Variants in FIG4 observed in about 807,000 individuals in gnomAD.
The protein encoded by FIG4 is FIG4 phosphoinositide 5-phosphatase.
In FIG4, 112 loss-of-function variants were observed where a neutral mutation model predicts 118.6. That is an observed-to-expected ratio of 0.94 (90% CI 0.81 to 1.11). The LOEUF (loss-of-function observed/expected upper bound fraction) is 1.11, where lower values mean the gene tolerates loss of function less well. Among genes scored for constraint, FIG4 ranks in the 50% least tolerant of loss-of-function variants. FIG4 has a pLI of 0.00. For synonymous variants in FIG4, 369 were observed against 381.2 expected, an observed-to-expected ratio of 0.97 and a Z score of 0.37; for missense variants, 969 against 1,111.7, an observed-to-expected ratio of 0.87 and a Z score of 1.83.
chr6:109,760,030 C>A (rs1262139403), intron 10 of FIG4, among the ~76,000 whole-genome samples: 1 of 152,152 alleles, frequency 6.6e-6, no homozygotes, highest in African/African-American at 2.4e-5. Context: ...GAAACCTGAT[C>A]TCCTAGAATC....
intron 10 of FIG4, among the ~76,000 whole-genome samples, chr6:109,753,721 C>G (rs1308599445): frequency 2.0e-5 from 3 of 151,980 alleles, no homozygotes; most frequent in Admixed American, 2.0e-4. Context: ...AATGGGAGTT[C>G]ACTCATGATT....
At chr6:109,711,574 ACT>A (rs1292978528) in intron 1 of FIG4, among the ~76,000 whole-genome samples, 1 of 152,014 alleles carries the variant, frequency 6.6e-6, no homozygotes, top group Non-Finnish European at 1.5e-5. Context: ...TTTGTCAGAA[ACT>A]AGAATTGCAA....
chr6:109,767,378 G>A (rs1389439841), intron 15 of FIG4, among the ~76,000 whole-genome samples: 1 of 152,162 alleles, frequency 6.6e-6, no homozygotes, highest in African/African-American at 2.4e-5. Flanking sequence ...ATGTAACAGG[G>A]TGTTGAAATG....
intron 7 of FIG4, among the ~76,000 whole-genome samples, chr6:109,739,252 A>G (rs1292607008): frequency 1.3e-5 from 2 of 152,052 alleles, no homozygotes; most frequent in Non-Finnish European, 2.9e-5. Context: ...AAAAACTTTT[A>G]TTTCCTTCAG....
rs537896645 is a variant in FIG4 at position 109,814,676 on chromosome 6, T to C, written c.2547-10412T>C. ...ACATTATTTGTTGTGAAGCTCAGAG[T>C]GTTCCAAATTTCACCAGAGTCTCCT... On this transcript the variant is annotated intron_variant, in intron 22 of 22. Transcript: ENST00000230124. Among the ~76,000 whole-genome samples, 95 of 152,238 alleles carry C rather than the reference T, an allele frequency of 6.2e-4. 1 individual carries two copies. Among genetic ancestry groups the C allele is most frequent in the African/African-American group, 2.2e-3 (93 of 41,538 alleles).
intron 10 of FIG4, among the ~76,000 whole-genome samples, chr6:109,754,018 A>G (rs1174678501): frequency 6.6e-6 from 1 of 152,166 alleles, no homozygotes; most frequent in Non-Finnish European, 1.5e-5. Flanking sequence ...GTCTTGTGCC[A>G]GTTTTCAAAG....
chr6:109,715,219 T>C (rs908889609), intron 2 of FIG4, 43 bp downstream of exon 2: 2 of 979,302 alleles, frequency 2.0e-6, no homozygotes, highest in South Asian at 1.3e-5. Context: ...CTTTCATACC[T>C]GTTGTTTAAA....
Position 109,760,291 on chromosome 6 carries a change from A to G in FIG4, c.1179A>G (p.Glu393=). 6.2e-7 allele frequency: 1 copy of G among 1,613,750 alleles called. No individual in the cohort carries two copies. The highest frequency in any genetic ancestry group is 1.6e-4 in the Middle Eastern group (1 of 6,062). The part of the protein sequence containing the change: ...KRKHERILSE[E]LVAAVTYLNQ... ...AGCATGAAAGAATTCTGAGTGAAGA[A>G]CTTGTTGCTGCTGTGACCTATCTCA... Residue 393 remains glutamate, a synonymous_variant, in exon 11 of 23, where the codon GAA becomes GAG. Coordinates refer to ENST00000230124, the MANE Select transcript of FIG4 (RefSeq NM_014845.6).
intron 21 of FIG4, among the ~76,000 whole-genome samples, chr6:109,796,326 T>C (rs1236442093): frequency 2.0e-5 from 3 of 152,190 alleles, no homozygotes; most frequent in Non-Finnish European, 4.4e-5. Flanking sequence ...CCCAGCCTGA[T>C]CCTGCCCTTT....
rs553476516 is a variant in FIG4, at chr6:109,745,507, T to G, written c.1137+1735T>G. Among the ~76,000 whole-genome samples, 7 of 152,280 alleles carry G rather than the reference T, an allele frequency of 4.6e-5. No homozygotes were observed. In the South Asian group the frequency reaches 1.5e-3, roughly 32 times the overall value. On this transcript the variant is annotated intron_variant, in intron 10 of 22. Transcript: ENST00000230124. The stretch of plus-strand genomic sequence containing the variant: ...GATGGGGTTGTTTTTTTCTTGTAAA[T>G]TTGTTTAAGTTCCTTGTAGATTCTG...
At chr6:109,771,175 G>T (rs545564305) in intron 15 of FIG4, among the ~76,000 whole-genome samples, 1 of 152,286 alleles carries the variant, frequency 6.6e-6, no homozygotes, top group South Asian at 2.1e-4. Flanking sequence ...AATACCCTTG[G>T]TAACTTTTGT....
At chr6:109,794,862 T>A (rs1316454336) in intron 21 of FIG4, among the ~76,000 whole-genome samples, 2 of 152,156 alleles carry the variant, frequency 1.3e-5, no homozygotes, top group African/African-American at 4.8e-5. Flanking sequence ...CAGCTAGAAG[T>A]GGTTTCCGCA....
chr6:109,789,500 G>A, intron 18 of FIG4, 94 bp from the exon 19 acceptor site: 7 of 923,792 alleles, frequency 7.6e-6, no homozygotes, highest in South Asian at 5.3e-5. Flanking sequence ...CTAGAGTTAA[G>A]AAGGAATATT....
At position 109,722,992 on chromosome 6, in the gene FIG4, C is replaced by T. The variant is rs1438041455; in HGVS notation, c.290-4117C>T. Among the ~76,000 whole-genome samples, 5 of 54,082 alleles carry T rather than the reference C, an allele frequency of 9.2e-5. No homozygotes were observed. The South Asian group carries it at 1.6e-3, about 18-fold the overall frequency. The allele number at this position is 54,082 out of a possible 152,430, so 35.5% of individuals were successfully genotyped here. A position where few individuals can be genotyped will look rare whatever the true frequency, so the allele number is the denominator to read the frequency against. On this transcript the variant is annotated intron_variant, in intron 3 of 22. Transcript: ENST00000230124. Reference sequence around the variant, plus strand: ...GCGGCACCTGCCCAGAGTAGATATCCTGTCAACGCTGAACTGGGAGGCAGT... The same window carrying T: ...GCGGCACCTGCCCAGAGTAGATATCTTGTCAACGCTGAACTGGGAGGCAGT...
intron 10 of FIG4, among the ~76,000 whole-genome samples, chr6:109,753,230 G>T (rs947650126): frequency 2.6e-5 from 4 of 152,144 alleles, no homozygotes; most frequent in African/African-American, 4.8e-5. Flanking sequence ...GAGATCGGGC[G>T]TGTTCAGGGT....
chr6:109,797,753 G>A (rs147655364), intron 22 of FIG4, among the ~76,000 whole-genome samples: 5 of 152,022 alleles, frequency 3.3e-5, no homozygotes, highest in East Asian at 1.9e-4. Context: ...AAAATTAGCC[G>A]GGCATGGTGG....
At position 109,741,457 on chromosome 6, in the gene FIG4, T is replaced by C. The variant is rs149257617; in HGVS notation, c.789T>C (p.Tyr263=). Residue 263 remains tyrosine, a synonymous_variant, in exon 8 of 23, where the codon TAT becomes TAC. Transcript: ENST00000230124. ...TTGATTTCCAAGAGCTGTTGATCTA[T>C]GGACGACCAGTGTATGTCACTCTAA... The part of the protein sequence containing the change: ...GFCGQSKLLI[Y]GRPVYVTLIA... 20 of 1,611,988 alleles carry C rather than the reference T, an allele frequency of 1.2e-5. No homozygotes were observed. The highest frequency in any genetic ancestry group is 1.6e-5 in the Non-Finnish European group (19 of 1,178,330).
At position 109,785,928 on chromosome 6, in the gene FIG4, C is replaced by T. The variant is rs1333122224; in HGVS notation, c.1949-374C>T. On this transcript the variant is annotated intron_variant, in intron 17 of 22. Coordinates refer to ENST00000230124, the MANE Select transcript of FIG4 (RefSeq NM_014845.6). ...GGTTTTAACTAACAGTGGCTATTAA[C>T]AGAATTTGAAATATAAAGGGAAACT... The T allele has an allele frequency of 1.6e-5, 5 of 303,560 alleles. No homozygotes were observed. The East Asian group carries it at 4.0e-4, about 24-fold the overall frequency. The allele number at this position is 303,560 out of a possible 1,614,324, so 18.8% of individuals were successfully genotyped here.
chr6:109,722,576 A>G (rs1051588170), intron 3 of FIG4, among the ~76,000 whole-genome samples: 3 of 152,034 alleles, frequency 2.0e-5, no homozygotes, highest in Admixed American at 1.3e-4. Flanking sequence ...TGTGTAAGAA[A>G]GTTCATTTTG....
Sources: gnomAD v4.1 joint callset for allele counts (sites outside exome capture counted in the v4.1 genomes callset) on GRCh38, gnomAD v4.1.1 for gene constraint, MANE v1.5 for transcripts, NCBI Gene and HGNC (gene_info 2026-07-23, HGNC 2026-07-21) for gene names.